The following TIMMDC1 variants were observed in gnomAD, a reference collection of about 807,000 sequenced individuals.
The protein encoded by TIMMDC1 is translocase of inner mitochondrial membrane domain containing 1.
A neutral mutation model predicts 32.6 loss-of-function variants in TIMMDC1; 25 were observed. That is an observed-to-expected ratio of 0.77 (90% CI 0.56 to 1.07). The LOEUF (loss-of-function observed/expected upper bound fraction) is 1.07. Among genes scored for constraint, TIMMDC1 ranks in the 50% least tolerant of loss-of-function variants. The pLI, the probability that TIMMDC1 is intolerant of heterozygous loss-of-function variation, is 0.00. For synonymous variants in TIMMDC1, 130 were observed against 127.6 expected (o/e 1.02, Z -0.13); for missense variants, 329 against 349.2 (o/e 0.94, Z 0.46).
intron 4 of TIMMDC1, among the ~76,000 whole-genome samples, chr3:119,510,582 G>T (rs1482237038): frequency 6.6e-6 from 1 of 151,452 alleles, no homozygotes; most frequent in Non-Finnish European, 1.5e-5. Context: ...AGAGGTATTG[G>T]TAGATCTGTG....
intron 5 of TIMMDC1, among the ~76,000 whole-genome samples, chr3:119,514,961 A>G (rs9832341): frequency 0.26 from 39,038 of 151,980 alleles, 5,123 homozygotes; most frequent in South Asian, 0.31. Flanking sequence ...AGGCCGAGGC[A>G]GGTAGATCAC....
intron 6 of TIMMDC1, among the ~76,000 whole-genome samples, chr3:119,520,956 A>G (rs1197031669): frequency 6.6e-6 from 1 of 152,208 alleles, no homozygotes; most frequent in African/African-American, 2.4e-5. Context: ...AATGTGTTAC[A>G]TCATATAAAC....
chr3:119,498,963 C>A, intron 1 of TIMMDC1, 36 bp downstream of exon 1: 1 of 1,601,562 alleles, frequency 6.2e-7, no homozygotes, highest in Admixed American at 1.7e-5. Flanking sequence ...GGGTAGGGGG[C>A]CGCGAAAGCG....
intron 1 of TIMMDC1, among the ~76,000 whole-genome samples, chr3:119,499,249 A>G: frequency 6.8e-6 from 1 of 147,990 alleles, no homozygotes; most frequent in East Asian, 2.0e-4. Flanking sequence ...GCGCACCACC[A>G]CGCCCGGCTA....
chr3:119,504,500 A>T (rs2081903220), intron 4 of TIMMDC1, among the ~76,000 whole-genome samples: 1 of 152,076 alleles, frequency 6.6e-6, no homozygotes, highest in Non-Finnish European at 1.5e-5. Context: ...GTAGCTTGAG[A>T]TGAGATTGGT....
At chr3:119,507,225 G>A (rs1040763199) in intron 4 of TIMMDC1, among the ~76,000 whole-genome samples, 1 of 152,088 alleles carries the variant, frequency 6.6e-6, no homozygotes, top group Non-Finnish European at 1.5e-5. Context: ...GATTTCTTTA[G>A]CTTTCTCTTC....
At chr3:119,505,688 GT>G (rs946048988) in intron 4 of TIMMDC1, among the ~76,000 whole-genome samples, 1 of 152,080 alleles carries the variant, frequency 6.6e-6, no homozygotes, top group Admixed American at 6.5e-5. Context: ...GTTTTTAAAT[GT>G]TTTTTTGGGA....
chr3:119,508,563 A>G (rs1196810519), intron 4 of TIMMDC1, among the ~76,000 whole-genome samples: 1 of 152,198 alleles, frequency 6.6e-6, no homozygotes, highest in African/African-American at 2.4e-5. Flanking sequence ...CCACATCTTG[A>G]CAAGCTGATA....
At chr3:119,518,483 C>T (rs1231400948) in intron 6 of TIMMDC1, among the ~76,000 whole-genome samples, 1 of 150,244 alleles carries the variant, frequency 6.7e-6, no homozygotes, top group Non-Finnish European at 1.5e-5. Context: ...AGAAGAAAAG[C>T]ATTGAGGTTG....
intron 1 of TIMMDC1, 22 bp from the exon 2 acceptor site, chr3:119,500,673 C>T: frequency 6.2e-7 from 1 of 1,604,590 alleles, no homozygotes; most frequent in East Asian, 2.2e-5. Context: ...TCCCAAACAA[C>T]ATTGTCTTTT....
intron 6 of TIMMDC1, among the ~76,000 whole-genome samples, chr3:119,517,900 C>T (rs551482993): frequency 1.2e-4 from 18 of 151,376 alleles, no homozygotes; most frequent in African/African-American, 3.4e-4. Context: ...ACCTGGGTAG[C>T]GGAGGTTACA....
At chr3:119,500,976 GAAAT>G in intron 2 of TIMMDC1, 116 bp downstream of exon 2, 1 of 1,047,030 alleles carries the variant, frequency 9.6e-7, no homozygotes, top group Non-Finnish European at 1.4e-6. Context: ...TCAGAGTAAA[GAAAT>G]AAAGTCTGTA....
At chr3:119,512,115 T>A (rs2107731729) in intron 4 of TIMMDC1, among the ~76,000 whole-genome samples, 1 of 152,304 alleles carries the variant, frequency 6.6e-6, no homozygotes, top group East Asian at 1.9e-4. Context: ...ATACCTTTAT[T>A]TAAAATATCT....
chr3:119,521,123 A>G (rs1365191242), intron 6 of TIMMDC1, among the ~76,000 whole-genome samples: 2 of 152,226 alleles, frequency 1.3e-5, no homozygotes, highest in Admixed American at 1.3e-4. Flanking sequence ...CTCACAGCTA[A>G]TATCATACTG....
intron 6 of TIMMDC1, among the ~76,000 whole-genome samples, chr3:119,518,218 A>G (rs2081998633): frequency 6.6e-6 from 1 of 152,172 alleles, no homozygotes; most frequent in Admixed American, 6.5e-5. Context: ...AATATGTAAG[A>G]TGAATATAAC....
chr3:119,499,502 T>C (rs1316679046), intron 1 of TIMMDC1, among the ~76,000 whole-genome samples: 2 of 151,652 alleles, frequency 1.3e-5, no homozygotes, highest in African/African-American at 4.8e-5. Context: ...ACTGCACTCT[T>C]CACTTCCCAG....
chr3:119,500,701 G>A lies in TIMMDC1; in HGVS notation c.201G>A (p.Gln67=). ...TGTCTTTTTGATGTTGTAGTGAACAGCAGAGAATTTCAAAGGACCTTGCTA... is the reference window on the plus strand; with the variant it reads ...TGTCTTTTTGATGTTGTAGTGAACAACAGAGAATTTCAAAGGACCTTGCTA... ...RLRELFGKDE[Q]QRISKDLANI... The change falls in exon 2 of 7, where the codon CAG becomes CAA. Residue 67 remains glutamine (Q), a synonymous_variant. Coordinates refer to ENST00000494664, the MANE Select transcript of TIMMDC1 (RefSeq NM_016589.4). The A allele has an allele frequency of 1.2e-6, 2 of 1,612,892 alleles. No homozygotes were observed. The highest frequency in any genetic ancestry group is 4.5e-5 in the East Asian group (2 of 44,874).
Position 119,498,820 on chromosome 3 carries a change from T to A in TIMMDC1, c.87T>A (p.Thr29=). The stretch of plus-strand genomic sequence containing the variant: ...GAGTCTTTGCTGCCGAAGCTGTGAC[T>A]GCCGATTCGGAAGTCCTTGAGGAGC... ...FPRVFAAEAV[T]ADSEVLEERQ... is the part of the protein sequence containing the mutation. Residue 29 remains threonine, a synonymous_variant, in exon 1 of 7, where the codon ACT becomes ACA. Transcript: ENST00000494664. The A allele has an allele frequency of 6.2e-7, 1 of 1,614,198 alleles. No homozygotes were observed. The highest frequency in any genetic ancestry group is 1.1e-5 in the South Asian group (1 of 91,086).
intron 4 of TIMMDC1, among the ~76,000 whole-genome samples, chr3:119,511,281 C>T (rs891555070): frequency 1.3e-5 from 2 of 151,782 alleles, no homozygotes; most frequent in African/African-American, 4.8e-5. Flanking sequence ...AGTTCGAGAC[C>T]AGCCTGGCCA....
Sources: allele counts gnomAD v4.1 joint callset (sites outside exome capture counted in the v4.1 genomes callset), GRCh38; gene constraint gnomAD v4.1.1; transcripts MANE v1.5; gene names NCBI Gene and HGNC (gene_info 2026-07-23, HGNC 2026-07-21).